The following NECTIN3 variants were observed in gnomAD, a reference collection of about 807,000 sequenced individuals.
NECTIN3 encodes nectin-3.
In NECTIN3, 8 loss-of-function variants were observed where a neutral mutation model predicts 49.4. That is an observed-to-expected ratio of 0.16 (90% CI 0.10 to 0.29). The LOEUF is 0.29. Among genes scored for constraint, NECTIN3 ranks in the 10% least tolerant of loss-of-function variants. The pLI is 1.00. For synonymous variants in NECTIN3, 277 were observed against 241.1 expected (o/e 1.15, Z -1.38); for missense variants, 581 against 654.6 (o/e 0.89, Z 1.23).
intron 7 of NECTIN3, among the ~76,000 whole-genome samples, chr3:111,180,099 T>A (rs932861591): frequency 1.3e-5 from 2 of 152,162 alleles, no homozygotes; most frequent in Admixed American, 6.5e-5. Flanking sequence ...TTCATAGAAT[T>A]TTGAGAAACC....
chr3:111,077,812 GCA>G (rs1314771429), intron 1 of NECTIN3, among the ~76,000 whole-genome samples: 1 of 152,010 alleles, frequency 6.6e-6, no homozygotes. Context: ...CATGTAGTAG[GCA>G]CTCATATTTA....
intron 7 of NECTIN3, among the ~76,000 whole-genome samples, chr3:111,165,176 T>G (rs989644339): frequency 5.3e-5 from 8 of 152,082 alleles, no homozygotes; most frequent in Non-Finnish European, 1.2e-4. Context: ...CCCGAGTAGC[T>G]GGGACTACAG....
At position 111,137,072 on chromosome 3, in the gene NECTIN3, C is replaced by T. The variant is rs2034605114; in HGVS notation, c.*2857C>T. The T allele has an allele frequency of 1.0e-6, 1 of 982,718 alleles. No individual in the cohort carries two copies. The highest frequency in any genetic ancestry group is 1.7e-5 in the African/African-American group (1 of 57,186). The allele number at this position is 982,718 out of a possible 1,614,324, so 60.9% of individuals were successfully genotyped here. On this transcript the variant is annotated 3_prime_UTR_variant, in exon 6 of 6. Transcript: ENST00000485303. ...AGATAACCCACGGCTAAATATTTTGCATTAAGGAGCTGTAGGAGTACAGTG... is the reference window on the plus strand; with the variant it reads ...AGATAACCCACGGCTAAATATTTTGTATTAAGGAGCTGTAGGAGTACAGTG...
chr3:111,122,901 T>C (rs2034013670), intron 4 of NECTIN3, among the ~76,000 whole-genome samples: 1 of 152,084 alleles, frequency 6.6e-6, no homozygotes, highest in Non-Finnish European at 1.5e-5. Flanking sequence ...AATTTTCTTA[T>C]TTTTTGGTCA....
At chr3:111,093,823 A>T (rs576811483) in intron 1 of NECTIN3, among the ~76,000 whole-genome samples, 1 of 152,332 alleles carries the variant, frequency 6.6e-6, no homozygotes, top group East Asian at 1.9e-4. Context: ...TAATTTGTGT[A>T]ACTAAAACAT....
rs1200971920 is a variant in NECTIN3, at chr3:111,137,254, C to A, written c.*3039C>A. The A allele has an allele frequency of 1.1e-6, 1 of 937,208 alleles. No individual in the cohort carries two copies. Among genetic ancestry groups the A allele is most frequent in the Admixed American group, 6.2e-5 (1 of 16,066 alleles). 58.1% of individuals were successfully genotyped at this position (937,208 alleles called of 1,614,324 possible). ...AAATATAAGAAAGGAATAAATGGTA[C>A]CCATTTTGAATTTTTAATTCTAATA... On this transcript the variant is annotated 3_prime_UTR_variant, in exon 6 of 6. Coordinates refer to ENST00000485303, the MANE Select transcript of NECTIN3 (RefSeq NM_015480.3).
intron 1 of NECTIN3, chr3:111,075,357 C>T (rs1203685051): frequency 6.6e-6 from 1 of 152,094 alleles, no homozygotes; most frequent in East Asian, 1.9e-4. Context: ...TCCTCTCTTT[C>T]TCTTTCTCTC....
upstream of NECTIN3, among the ~76,000 whole-genome samples, chr3:111,189,631 G>GA (rs2035779656): frequency 6.6e-6 from 1 of 152,152 alleles, no homozygotes; most frequent in Non-Finnish European, 1.5e-5. Context: ...AAATGGCAAA[G>GA]AAACAAATGA....
chr3:111,083,162 G>A (rs1350355104), intron 1 of NECTIN3, among the ~76,000 whole-genome samples: 1 of 152,196 alleles, frequency 6.6e-6, no homozygotes, highest in Non-Finnish European at 1.5e-5. Context: ...ACGGGGGTTG[G>A]AGACCCCTGT....
chr3:111,109,818 G>T (rs796066149), intron 1 of NECTIN3, among the ~76,000 whole-genome samples: 2 of 151,806 alleles, frequency 1.3e-5, no homozygotes, highest in Non-Finnish European at 2.9e-5. Flanking sequence ...TTTTATCAGG[G>T]TTTTCACTAT....
At chr3:111,115,582 A>G (rs150380046) in intron 2 of NECTIN3, among the ~76,000 whole-genome samples, 1 of 152,342 alleles carries the variant, frequency 6.6e-6, no homozygotes, top group African/African-American at 2.4e-5. Context: ...TGTACACAGT[A>G]AAGTTTGAGA....
At chr3:111,126,447 T>G in intron 5 of NECTIN3, 112 bp downstream of exon 5, 2 of 927,640 alleles carry the variant, frequency 2.2e-6, no homozygotes. Context: ...GATTCCTCAG[T>G]GTGAAGTTTT....
chr3:111,178,591 C>T (rs950427972), intron 7 of NECTIN3, among the ~76,000 whole-genome samples: 1 of 152,152 alleles, frequency 6.6e-6, no homozygotes, highest in Non-Finnish European at 1.5e-5. Context: ...GGCTGGAGCT[C>T]AAGCAGGAGG....
intron 4 of NECTIN3, 25 bp downstream of exon 4, chr3:111,122,263 A>G: frequency 6.6e-7 from 1 of 1,513,860 alleles, no homozygotes; most frequent in Non-Finnish European, 9.1e-7. Context: ...TTCGAAAGAG[A>G]AATTATCTAA....
intron 6 of NECTIN3, among the ~76,000 whole-genome samples, chr3:111,145,416 C>T (rs2034849682): frequency 6.6e-6 from 1 of 152,098 alleles, no homozygotes; most frequent in Non-Finnish European, 1.5e-5. Context: ...ATTGTATATG[C>T]ATGTCTTATG....
chr3:111,114,165 A>G (rs1236523771), intron 2 of NECTIN3, among the ~76,000 whole-genome samples: 2 of 152,094 alleles, frequency 1.3e-5, no homozygotes, highest in Non-Finnish European at 2.9e-5. Flanking sequence ...GTCCACACCT[A>G]CTTTTCTCGC....
At chr3:111,081,231 A>T (rs2031582829) in intron 1 of NECTIN3, among the ~76,000 whole-genome samples, 1 of 152,246 alleles carries the variant, frequency 6.6e-6, no homozygotes, top group Non-Finnish European at 1.5e-5. Context: ...TAGTGAGCTA[A>T]GATTTTGCCT....
At chr3:111,080,608 A>G (rs2031531757) in intron 1 of NECTIN3, among the ~76,000 whole-genome samples, 1 of 151,970 alleles carries the variant, frequency 6.6e-6, no homozygotes, top group South Asian at 2.1e-4. Flanking sequence ...TTTATATTTC[A>G]GGAATGGGTT....
At chr3:111,176,966 G>A (rs1313298123) in intron 7 of NECTIN3, among the ~76,000 whole-genome samples, 1 of 152,040 alleles carries the variant, frequency 6.6e-6, no homozygotes, top group Non-Finnish European at 1.5e-5. Context: ...GTTGTTTTAG[G>A]AACTAAAATA....
Sources: allele counts gnomAD v4.1 joint callset (sites outside exome capture counted in the v4.1 genomes callset), GRCh38; gene constraint gnomAD v4.1.1; transcripts MANE v1.5; gene names NCBI Gene and HGNC (gene_info 2026-07-23, HGNC 2026-07-21).